The following MID1 variants were observed in gnomAD, a reference collection of about 807,000 sequenced individuals.
MID1 encodes the protein midline 1, also known as E3 ubiquitin-protein ligase Midline-1.
A neutral mutation model predicts 40.4 loss-of-function variants in MID1; 7 were observed. That is an observed-to-expected ratio of 0.17 (90% CI 0.10 to 0.33). The LOEUF (loss-of-function observed/expected upper bound fraction) is 0.33, where lower values mean the gene tolerates loss of function less well. Among genes scored for constraint, MID1 ranks in the 10% least tolerant of loss-of-function variants. The probability of loss-of-function intolerance (pLI) is 1.00; values close to 1 mark genes in which losing one functional copy is unlikely to be tolerated. For synonymous variants in MID1, 229 were observed against 221.2 expected (o/e 1.04, Z -0.31); for missense variants, 367 against 558.5 (o/e 0.66, Z 3.46).
chrX:10,453,063 T>C (rs1453218066), intron 9 of MID1, among the ~76,000 whole-genome samples: 3 of 111,988 alleles, frequency 2.7e-5, no homozygotes, highest in Non-Finnish European at 5.6e-5. Flanking sequence ...CAGCTAAAAA[T>C]TGCAAATGCC....
At chrX:10,760,620 T>TA (rs200193704) in intron 1 of MID1, among the ~76,000 whole-genome samples, 4,027 of 110,974 alleles carry the variant, frequency 0.036, 194 homozygotes, top group African/African-American at 0.13. Flanking sequence ...GCCAGGAGTT[T>TA]GAGACCAGCC....
At chrX:10,826,507 T>A (rs1244110719) in intron 1 of MID1, among the ~76,000 whole-genome samples, 5 of 112,082 alleles carry the variant, frequency 4.5e-5, no homozygotes. Flanking sequence ...GCTGCCAATG[T>A]GAACTTTTCA....
chrX:10,621,927 C>T (rs1159189694), upstream of MID1, among the ~76,000 whole-genome samples: 2 of 102,839 alleles, frequency 1.9e-5, no homozygotes, highest in African/African-American at 7.2e-5. Context: ...GTAGCAGCAT[C>T]CCTGGATTCT....
At chrX:10,494,504 G>A (rs1379865015) in intron 4 of MID1, among the ~76,000 whole-genome samples, 4 of 111,096 alleles carry the variant, frequency 3.6e-5, no homozygotes, top group Non-Finnish European at 7.5e-5. Context: ...ATAGTAGCTC[G>A]TGCCTGTCAT....
At chrX:10,651,987 C>A (rs1936321373) in intron 1 of MID1, among the ~76,000 whole-genome samples, 1 of 111,627 alleles carries the variant, frequency 9.0e-6, no homozygotes, top group South Asian at 3.8e-4. Flanking sequence ...GAATGAGATA[C>A]TCCAATAGTG....
chrX:10,783,887 TTA>T (rs1491538247), intron 1 of MID1, among the ~76,000 whole-genome samples: 1 of 109,957 alleles, frequency 9.1e-6, no homozygotes, highest in African/African-American at 3.3e-5. Flanking sequence ...GCTCTTTTTT[TTA>T]AAAAAAAAAA....
intron 1 of MID1, among the ~76,000 whole-genome samples, chrX:10,719,695 T>C (rs2043334280): frequency 9.0e-6 from 1 of 111,369 alleles, no homozygotes; most frequent in South Asian, 3.8e-4. Flanking sequence ...TGGAAAAAAT[T>C]ACTTTAAAGT....
intron 1 of MID1, among the ~76,000 whole-genome samples, chrX:10,727,641 G>C (rs1239449354): frequency 9.0e-6 from 1 of 111,484 alleles, no homozygotes; most frequent in Non-Finnish European, 1.9e-5. Flanking sequence ...GGAAGGGAGG[G>C]AGAGAGAGCA....
intron 1 of MID1, among the ~76,000 whole-genome samples, chrX:10,744,702 G>A (rs1286432999): frequency 2.7e-5 from 3 of 111,026 alleles, no homozygotes; most frequent in Admixed American, 9.6e-5. Flanking sequence ...TAACCTACAT[G>A]CATGCTTATT....
chrX:10,466,273 C>G lies in MID1; in HGVS notation c.1285+3424G>C, dbSNP rs1200021666. Among the ~76,000 whole-genome samples the G allele has an allele frequency of 2.7e-5, 3 of 112,047 alleles. No homozygotes were observed. The Admixed American group carries it at 2.8e-4, about 11-fold the overall frequency. ...CCTGGTTCAGTTTATCCCAAATATG[C>G]TAGTGATATTAATCACAAAATATTG... is the stretch of plus-strand genomic sequence containing the variant. On this transcript the variant is annotated intron_variant, in intron 7 of 9. Coordinates refer to ENST00000317552, the MANE Select transcript of MID1 (RefSeq NM_000381.4).
chrX:10,490,197 G>A (rs1341869184), intron 4 of MID1, among the ~76,000 whole-genome samples: 1 of 111,456 alleles, frequency 9.0e-6, no homozygotes. Context: ...TCATTTTTTA[G>A]TCGTCTTTAA....
At chrX:10,699,897 A>C (rs2043184872) in intron 1 of MID1, among the ~76,000 whole-genome samples, 1 of 107,584 alleles carries the variant, frequency 9.3e-6, no homozygotes, top group African/African-American at 3.4e-5. Context: ...ATCTCGGCTC[A>C]CTGCAACCTC....
upstream of MID1, among the ~76,000 whole-genome samples, chrX:10,620,812 G>T (rs763134928): frequency 2.7e-5 from 3 of 112,084 alleles, no homozygotes; most frequent in South Asian, 1.1e-3. Flanking sequence ...ACTAGCTAAG[G>T]GCCTTAAATC....
intron 1 of MID1, among the ~76,000 whole-genome samples, chrX:10,830,805 CA>C (rs1569180936): frequency 1.8e-5 from 2 of 112,030 alleles, no homozygotes; most frequent in Non-Finnish European, 3.8e-5. Context: ...TAGAATAGCA[CA>C]CACACATACA....
At chrX:10,817,079 T>A (rs754322913) in intron 1 of MID1, among the ~76,000 whole-genome samples, 1 of 112,201 alleles carries the variant, frequency 8.9e-6, no homozygotes, top group Non-Finnish European at 1.9e-5. Flanking sequence ...TGTTAGTTAT[T>A]CTCTATGAAT....
At chrX:10,465,260 CAT>C (rs1556005747) in intron 7 of MID1, among the ~76,000 whole-genome samples, 39 of 92,362 alleles carry the variant, frequency 4.2e-4, no homozygotes, top group South Asian at 1.0e-3. Flanking sequence ...CACACACACA[CAT>C]ACATATATGA....
At chrX:10,729,946 T>A (rs1307588979) in intron 1 of MID1, among the ~76,000 whole-genome samples, 1 of 109,339 alleles carries the variant, frequency 9.1e-6, no homozygotes, top group African/African-American at 3.3e-5. Flanking sequence ...TAGCCGGGCG[T>A]GGTGGCGGGC....
chrX:10,473,619 CAT>C lies in MID1; in HGVS notation c.1141+1002_1141+1003del, dbSNP rs772900114. The stretch of plus-strand genomic sequence containing the variant: ...CCTTGTTCAATCGCTTTCTCACAAA[CAT>C]GTACACACAGAATTGGAATTGAGAA... On this transcript the variant is annotated intron_variant, in intron 6 of 9. Transcript: ENST00000317552. Among the ~76,000 whole-genome samples the C allele has an allele frequency of 2.0e-4, 23 of 112,450 alleles. No homozygotes were observed. The East Asian group carries it at 5.3e-3, about 26-fold the overall frequency.
Position 10,536,053 on chromosome X carries a change from CAA to C in MID1, c.661-12868_661-12867del, listed in dbSNP as rs35748627. On this transcript the variant is annotated intron_variant, in intron 2 of 9. Transcript: ENST00000317552. ...TGGGCAACATAGGGAGACCCTGTCT[CAA>C]AAAAAAAAAAAAATTAAAAATTAGC... 7.8e-3 allele frequency among the ~76,000 whole-genome samples: 715 copies of C among 92,252 alleles called. 5 individuals are homozygous for C. Among genetic ancestry groups the C allele is most frequent in the African/African-American group, 0.026 (649 of 25,186 alleles). 80.1% of individuals were successfully genotyped at this position (92,252 alleles called of 115,157 possible).
Sources: gnomAD v4.1 joint callset for allele counts (sites outside exome capture counted in the v4.1 genomes callset) on GRCh38, gnomAD v4.1.1 for gene constraint, MANE v1.5 for transcripts, NCBI Gene and HGNC (gene_info 2026-07-23, HGNC 2026-07-21) for gene names.